SUGCT: variants seen among roughly 807,000 people sequenced by gnomAD.
The protein encoded by SUGCT is succinyl-CoA:glutarate-CoA transferase.
SUGCT carries 41 observed loss-of-function variants against 55.0 expected under a neutral mutation model. That is an observed-to-expected ratio of 0.74 (90% confidence interval 0.58 to 0.97). The LOEUF (loss-of-function observed/expected upper bound fraction) is 0.97. SUGCT is among the 50% of genes least tolerant of loss of function. The pLI is 0.00. For synonymous variants in SUGCT, 187 were observed against 200.4 expected (o/e 0.93, Z 0.56); for missense variants, 568 against 547.8 (o/e 1.04, Z -0.37).
At chr7:40,628,634 A>G (rs1799637279) in intron 12 of SUGCT, among the ~76,000 whole-genome samples, 1 of 152,180 alleles carries the variant, frequency 6.6e-6, no homozygotes, top group African/African-American at 2.4e-5. Context: ...AGATAAAATA[A>G]TGTTCCTCCT....
chr7:40,249,313 C>CTATATCTATATATATATATCTA (rs1554296332), intron 7 of SUGCT, among the ~76,000 whole-genome samples: 1 of 79,518 alleles, frequency 1.3e-5, no homozygotes, highest in Non-Finnish European at 2.3e-5. Context: ...CACCAAAAAG[C>CTATATCTATATATATATATCTA]TATATATATA....
At chr7:40,445,993 A>G (rs1346240793) in intron 9 of SUGCT, among the ~76,000 whole-genome samples, 1 of 152,032 alleles carries the variant, frequency 6.6e-6, no homozygotes, top group Non-Finnish European at 1.5e-5. Context: ...GTTTTAAAGG[A>G]TATTAACAAG....
chr7:40,918,670 C>T, the SUGCT span, among the ~76,000 whole-genome samples: 157 of 151,994 alleles, frequency 1.0e-3, no homozygotes, highest in Middle Eastern at 6.8e-3. Flanking sequence ...GGAAGATGAT[C>T]GAAATAAAAG....
chr7:40,465,699 A>G (rs1171543683), intron 11 of SUGCT, among the ~76,000 whole-genome samples: 1 of 152,124 alleles, frequency 6.6e-6, no homozygotes, highest in Non-Finnish European at 1.5e-5. Flanking sequence ...AGATTTATAC[A>G]AAATACTGGA....
chr7:40,771,307 T>G (rs1014844738), intron 13 of SUGCT, among the ~76,000 whole-genome samples: 12 of 152,186 alleles, frequency 7.9e-5, no homozygotes, highest in Non-Finnish European at 8.8e-5. Flanking sequence ...TGGATCACAA[T>G]CTGTATCGAT....
chr7:40,385,831 G>A (rs183437253), intron 9 of SUGCT, among the ~76,000 whole-genome samples: 16 of 152,184 alleles, frequency 1.1e-4, no homozygotes, highest in Admixed American at 5.9e-4. Context: ...ACGTGTGGAC[G>A]TTTCTTATAA....
chr7:40,718,571 T>G (rs909109073), intron 12 of SUGCT, among the ~76,000 whole-genome samples: 1 of 152,206 alleles, frequency 6.6e-6, no homozygotes, highest in Non-Finnish European at 1.5e-5. Flanking sequence ...TTTTTTTGTC[T>G]GATAAATGAA....
At chr7:40,891,605 G>A in the SUGCT span, among the ~76,000 whole-genome samples, 1,692 of 152,204 alleles carry the variant, frequency 0.011, 32 homozygotes, top group African/African-American at 0.036. Flanking sequence ...AAAGACTTTC[G>A]CAGACAAACA....
chr7:40,386,942 C>T (rs796616239), intron 9 of SUGCT, among the ~76,000 whole-genome samples: 1 of 152,080 alleles, frequency 6.6e-6, no homozygotes, highest in Non-Finnish European at 1.5e-5. Flanking sequence ...CAGACCTGTC[C>T]CCACCATCAT....
chr7:40,518,906 A>G (rs1394594662), intron 12 of SUGCT, among the ~76,000 whole-genome samples: 1 of 152,130 alleles, frequency 6.6e-6, no homozygotes, highest in Non-Finnish European at 1.5e-5. Context: ...ATAAATATTC[A>G]TGATATAATA....
chr7:40,477,492 G>A (rs1400455458), intron 11 of SUGCT, among the ~76,000 whole-genome samples: 2 of 151,944 alleles, frequency 1.3e-5, no homozygotes, highest in African/African-American at 2.4e-5. Context: ...TGACATTGTC[G>A]GCAAAATTTA....
chr7:40,976,028 C>T, the SUGCT span, among the ~76,000 whole-genome samples: 1 of 152,176 alleles, frequency 6.6e-6, no homozygotes, highest in Non-Finnish European at 1.5e-5. Flanking sequence ...TCCCTCCCAC[C>T]CTTTGTGGAT....
chr7:40,503,196 G>A (rs1562822405), intron 12 of SUGCT, among the ~76,000 whole-genome samples: 3 of 152,048 alleles, frequency 2.0e-5, no homozygotes, highest in Admixed American at 6.6e-5. Flanking sequence ...GACATAAAAG[G>A]TTTGAATATA....
chr7:41,035,899 T>C, the SUGCT span, among the ~76,000 whole-genome samples: 7 of 152,134 alleles, frequency 4.6e-5, no homozygotes, highest in African/African-American at 1.2e-4. Context: ...ATGCAGCTCA[T>C]AGGACCAGGA....
In SUGCT at chr7:40,205,887, G is replaced by C. The variant is rs549769405; in HGVS notation, c.484+10827G>C. 2.4e-3 allele frequency among the ~76,000 whole-genome samples: 360 copies of C among 152,220 alleles called. 3 individuals carry two copies. Among genetic ancestry groups the C allele is most frequent in the Middle Eastern group, 6.8e-3 (2 of 294 alleles). Reference sequence around the variant, plus strand: ...TATTCTAAAATTCCAGAAGCAAAGAGATCGCCTGGGCCTAGAAATACAGTA... The same window carrying C: ...TATTCTAAAATTCCAGAAGCAAAGACATCGCCTGGGCCTAGAAATACAGTA... On this transcript the variant is annotated intron_variant, in intron 6 of 13. Transcript: ENST00000335693.
chr7:40,284,830 A>G (rs997767777), intron 8 of SUGCT, among the ~76,000 whole-genome samples: 3 of 152,218 alleles, frequency 2.0e-5, no homozygotes, highest in African/African-American at 7.2e-5. Context: ...GAAAAATCAG[A>G]TTTCTTCCAA....
At chr7:40,803,402 G>A (rs1282437241) in intron 13 of SUGCT, among the ~76,000 whole-genome samples, 2 of 152,070 alleles carry the variant, frequency 1.3e-5, no homozygotes, top group Non-Finnish European at 2.9e-5. Context: ...CTTAAGAGAG[G>A]TTCAACTGTG....
chr7:40,820,332 C>T (rs56239159), intron 13 of SUGCT, among the ~76,000 whole-genome samples: 12,922 of 150,428 alleles, frequency 0.086, 627 homozygotes, highest in Middle Eastern at 0.17. Flanking sequence ...GGGGATGGCA[C>T]TGAATCTATA....
At chr7:40,192,395 A>G (rs1431379316) in intron 5 of SUGCT, among the ~76,000 whole-genome samples, 3 of 152,142 alleles carry the variant, frequency 2.0e-5, no homozygotes, top group Non-Finnish European at 4.4e-5. Flanking sequence ...GTCTTATCCA[A>G]TATTTCAGAC....
Sources: allele counts gnomAD v4.1 joint callset (sites outside exome capture counted in the v4.1 genomes callset), GRCh38; gene constraint gnomAD v4.1.1; transcripts MANE v1.5; gene names NCBI Gene and HGNC (gene_info 2026-07-23, HGNC 2026-07-21).